SUGCT: variants seen among roughly 807,000 people sequenced by gnomAD.
The protein encoded by SUGCT is succinyl-CoA:glutarate CoA-transferase.
In SUGCT, 41 loss-of-function variants were observed where a neutral mutation model predicts 55.0. The ratio of observed to expected loss-of-function variants is 0.74; its 90% CI spans 0.58 to 0.97. The LOEUF (loss-of-function observed/expected upper bound fraction) is 0.97, where lower values mean the gene tolerates loss of function less well. Ranked by LOEUF, SUGCT falls within the 50% of genes least tolerant of loss-of-function variation. The pLI, the probability that SUGCT is intolerant of heterozygous loss-of-function variation, is 0.00. For missense variants in SUGCT, 568 were observed against 547.8 expected, an observed-to-expected ratio of 1.04 and a Z score of -0.37; for synonymous variants, 187 against 200.4, an observed-to-expected ratio of 0.93 and a Z score of 0.56.
the SUGCT span, among the ~76,000 whole-genome samples, chr7:40,952,600 C>A: frequency 1.3e-5 from 2 of 152,152 alleles, no homozygotes; most frequent in Non-Finnish European, 2.9e-5. Context: ...ACCAGTTGTT[C>A]CTTTCCATGT....
intron 13 of SUGCT, among the ~76,000 whole-genome samples, chr7:40,845,895 G>GA (rs1228998298): frequency 1.3e-5 from 2 of 152,100 alleles, no homozygotes; most frequent in Non-Finnish European, 2.9e-5. Flanking sequence ...AAAACGTTCA[G>GA]AAAAAATTTA....
rs544486181 is a variant in SUGCT, at chr7:40,364,007, G to A, written c.816+47152G>A. ...ATGAATCTGGGTGCTCCTGTATTGG[G>A]TGCATATATATTTAGGATAGTTAGC... On this transcript the variant is annotated intron_variant, in intron 9 of 13. Coordinates refer to ENST00000335693, the MANE Select transcript of SUGCT (RefSeq NM_001193313.2). Among the ~76,000 whole-genome samples the A allele has an allele frequency of 2.4e-3, 364 of 151,948 alleles. 5 individuals are homozygous for A. Among genetic ancestry groups the A allele is most frequent in the African/African-American group, 8.3e-3 (344 of 41,440 alleles).
intron 12 of SUGCT, among the ~76,000 whole-genome samples, chr7:40,567,451 T>A (rs1796212174): frequency 6.6e-6 from 1 of 152,246 alleles, no homozygotes; most frequent in African/African-American, 2.4e-5. Context: ...GATTCAACAC[T>A]ATTCATTACC....
chr7:41,010,926 A>G, the SUGCT span, among the ~76,000 whole-genome samples: 1 of 152,244 alleles, frequency 6.6e-6, no homozygotes, highest in South Asian at 2.1e-4. Flanking sequence ...TCTCAAACTG[A>G]GCCAGGCCCA....
chr7:40,955,463 T>C, the SUGCT span, among the ~76,000 whole-genome samples: 2 of 152,212 alleles, frequency 1.3e-5, no homozygotes, highest in African/African-American at 4.8e-5. Context: ...GGAATGCTTG[T>C]GATTTATGCT....
chr7:40,453,031 G>A (rs1337924266), intron 10 of SUGCT, among the ~76,000 whole-genome samples: 1 of 152,160 alleles, frequency 6.6e-6, no homozygotes, highest in African/African-American at 2.4e-5. Flanking sequence ...AAACCTGGAA[G>A]TGAGCACCAG....
intron 6 of SUGCT, among the ~76,000 whole-genome samples, chr7:40,197,365 A>G (rs911060676): frequency 6.6e-6 from 1 of 152,242 alleles, no homozygotes; most frequent in Non-Finnish European, 1.5e-5. Context: ...TAGGTAAATT[A>G]TCTTCTGAAT....
intron 12 of SUGCT, among the ~76,000 whole-genome samples, chr7:40,652,969 C>A (rs1175123910): frequency 6.6e-6 from 1 of 152,192 alleles, no homozygotes; most frequent in Admixed American, 6.5e-5. Context: ...GCTTTGACCA[C>A]TGGCTTTTCC....
At chr7:40,296,823 T>A (rs1030341125) in intron 8 of SUGCT, among the ~76,000 whole-genome samples, 1 of 152,062 alleles carries the variant, frequency 6.6e-6, no homozygotes, top group African/African-American at 2.4e-5. Context: ...CTTCTTTCTA[T>A]TTGGTAACCA....
intron 12 of SUGCT, among the ~76,000 whole-genome samples, chr7:40,566,111 T>C (rs1796134558): frequency 6.6e-6 from 1 of 152,136 alleles, no homozygotes. Flanking sequence ...CTGCTTCCCA[T>C]GGAGCGTCTA....
At chr7:40,178,603 T>A (rs902985076) in intron 1 of SUGCT, among the ~76,000 whole-genome samples, 1 of 152,106 alleles carries the variant, frequency 6.6e-6, no homozygotes, top group African/African-American at 2.4e-5. Flanking sequence ...AAATTCAATG[T>A]CCTCCTGATA....
At chr7:40,450,975 T>A (rs1445936659) in intron 10 of SUGCT, among the ~76,000 whole-genome samples, 1 of 152,128 alleles carries the variant, frequency 6.6e-6, no homozygotes, top group Non-Finnish European at 1.5e-5. Flanking sequence ...CTGAAACATC[T>A]GAGGTGGGAA....
intron 9 of SUGCT, among the ~76,000 whole-genome samples, chr7:40,340,405 A>G (rs1449396497): frequency 4.6e-5 from 7 of 152,180 alleles, no homozygotes; most frequent in Admixed American, 4.6e-4. Context: ...TTATTCCTCA[A>G]TTTAAGAGAA....
chr7:40,444,578 C>G (rs1358566654), intron 9 of SUGCT, among the ~76,000 whole-genome samples: 1 of 152,024 alleles, frequency 6.6e-6, no homozygotes, highest in South Asian at 2.1e-4. Flanking sequence ...GATTTTGTAT[C>G]CTGAGACTTT....
chr7:40,642,514 T>C (rs1800316262), intron 12 of SUGCT, among the ~76,000 whole-genome samples: 1 of 152,170 alleles, frequency 6.6e-6, no homozygotes, highest in Admixed American at 6.5e-5. Context: ...TGTGACATGC[T>C]CAGTCCACAG....
At chr7:40,576,291 T>G (rs542235170) in intron 12 of SUGCT, among the ~76,000 whole-genome samples, 1 of 152,322 alleles carries the variant, frequency 6.6e-6, no homozygotes, top group South Asian at 2.1e-4. Flanking sequence ...TTGAACTGTT[T>G]GATTACTATT....
the SUGCT span, among the ~76,000 whole-genome samples, chr7:40,992,825 C>T: frequency 6.6e-6 from 1 of 152,076 alleles, no homozygotes; most frequent in Non-Finnish European, 1.5e-5. Context: ...TACAAGAAAA[C>T]ATATCTATGA....
At chr7:40,702,685 C>G (rs1785216804) in intron 12 of SUGCT, among the ~76,000 whole-genome samples, 1 of 152,124 alleles carries the variant, frequency 6.6e-6, no homozygotes, top group Non-Finnish European at 1.5e-5. Context: ...CAATATGAGT[C>G]GGCTCCATGT....
At chr7:40,576,485 A>T (rs1452207088) in intron 12 of SUGCT, among the ~76,000 whole-genome samples, 2 of 152,222 alleles carry the variant, frequency 1.3e-5, no homozygotes, top group Non-Finnish European at 2.9e-5. Context: ...AGCAGGGAAC[A>T]TGTGAGTCAG....
Sources: allele counts gnomAD v4.1 joint callset (sites outside exome capture counted in the v4.1 genomes callset), GRCh38; gene constraint gnomAD v4.1.1; transcripts MANE v1.5; gene names NCBI Gene and HGNC (gene_info 2026-07-23, HGNC 2026-07-21).